PLD1: variants seen among roughly 807,000 people sequenced by gnomAD.
The protein encoded by PLD1 is choline phosphatase 1.
PLD1 carries 112 observed loss-of-function variants against 137.1 expected under a neutral mutation model. The observed-to-expected ratio is 0.82, with a 90% CI of 0.70 to 0.96. The LOEUF is 0.96. Ranked by LOEUF, PLD1 falls within the 40% of genes least tolerant of loss-of-function variation. The pLI, the probability that PLD1 is intolerant of heterozygous loss-of-function variation, is 0.00. For synonymous variants in PLD1, 431 were observed against 454.7 expected (o/e 0.95, Z 0.66); for missense variants, 1,321 against 1,342.0 (o/e 0.98, Z 0.24).
chr3:171,631,859 GA>G (rs1251733676), intron 23 of PLD1, among the ~76,000 whole-genome samples: 7 of 151,998 alleles, frequency 4.6e-5, no homozygotes, highest in African/African-American at 1.4e-4. Flanking sequence ...AATAAATATA[GA>G]AAAAAATGAT....
intron 1 of PLD1, among the ~76,000 whole-genome samples, chr3:171,740,067 G>T (rs1203545387): frequency 6.6e-6 from 1 of 152,126 alleles, no homozygotes; most frequent in East Asian, 1.9e-4. Flanking sequence ...AATTGAGGAG[G>T]TTGAGCCATT....
At chr3:171,637,409 C>T (rs9820542) in intron 23 of PLD1, among the ~76,000 whole-genome samples, 12,018 of 65,156 alleles carry the variant, frequency 0.18, 1,357 homozygotes, top group African/African-American at 0.42. Flanking sequence ...CTAATTTTTG[C>T]ATTTTTAGTA....
chr3:171,691,291 G>T (rs1473570117), intron 13 of PLD1, among the ~76,000 whole-genome samples: 1 of 152,040 alleles, frequency 6.6e-6, no homozygotes, highest in Non-Finnish European at 1.5e-5. Context: ...GATTAGAGGG[G>T]TCAATACATT....
chr3:171,635,965 C>CTTGTTTTTTT (rs1735078326), intron 23 of PLD1, among the ~76,000 whole-genome samples: 1 of 49,252 alleles, frequency 2.0e-5, no homozygotes, highest in Non-Finnish European at 4.4e-5. Flanking sequence ...GGTTCAACTT[C>CTTGTTTTTTT]TTTTTTTTTT....
At chr3:171,766,989 T>C (rs1172676919) in intron 1 of PLD1, among the ~76,000 whole-genome samples, 1 of 152,236 alleles carries the variant, frequency 6.6e-6, no homozygotes, top group African/African-American at 2.4e-5. Context: ...ATATGTCTCA[T>C]AATCTTGGTT....
chr3:171,779,557 T>C (rs574270612), intron 1 of PLD1, among the ~76,000 whole-genome samples: 1 of 152,334 alleles, frequency 6.6e-6, no homozygotes, highest in East Asian at 1.9e-4. Context: ...CGAAGAGAAG[T>C]AGGACGTTGG....
chr3:171,685,416 T>C (rs115833084), intron 16 of PLD1, among the ~76,000 whole-genome samples: 1 of 152,164 alleles, frequency 6.6e-6, no homozygotes, highest in Admixed American at 6.5e-5. Flanking sequence ...AAGCATAACA[T>C]AGTAATCTTT....
chr3:171,655,450 C>T (rs551982627), intron 21 of PLD1, among the ~76,000 whole-genome samples: 1 of 152,324 alleles, frequency 6.6e-6, no homozygotes, highest in South Asian at 2.1e-4. Context: ...CAGCCTCATA[C>T]TCTCAGGCTT....
At chr3:171,782,706 T>C (rs1326483139) in intron 1 of PLD1, among the ~76,000 whole-genome samples, 1 of 152,104 alleles carries the variant, frequency 6.6e-6, no homozygotes, top group Non-Finnish European at 1.5e-5. Flanking sequence ...GGGTAAGGAA[T>C]TGGAGACAGT....
At chr3:171,673,501 C>T (rs748864804) in intron 19 of PLD1, among the ~76,000 whole-genome samples, 14 of 152,030 alleles carry the variant, frequency 9.2e-5, no homozygotes, top group Non-Finnish European at 1.8e-4. Flanking sequence ...GAACTCCTGA[C>T]CTCAGGTGAT....
At chr3:171,749,222 G>T (rs139444299) in intron 1 of PLD1, among the ~76,000 whole-genome samples, 45 of 152,218 alleles carry the variant, frequency 3.0e-4, no homozygotes, top group African/African-American at 1.0e-3. Context: ...GGGCACACTG[G>T]AACTGAAGCT....
At chr3:171,758,223 C>G (rs1721159555) in intron 1 of PLD1, among the ~76,000 whole-genome samples, 1 of 152,174 alleles carries the variant, frequency 6.6e-6, no homozygotes, top group African/African-American at 2.4e-5. Flanking sequence ...ATTTGCATGT[C>G]ATAACTTCAG....
chr3:171,630,892 C>T (rs1023329746), intron 23 of PLD1, among the ~76,000 whole-genome samples: 7 of 148,664 alleles, frequency 4.7e-5, no homozygotes, highest in Non-Finnish European at 7.4e-5. Flanking sequence ...GAGGGATAGC[C>T]GTGGGAGATA....
At chr3:171,661,481 A>G (rs1163923141) in intron 20 of PLD1, among the ~76,000 whole-genome samples, 1 of 152,192 alleles carries the variant, frequency 6.6e-6, no homozygotes, top group Non-Finnish European at 1.5e-5. Flanking sequence ...AACTAAACTC[A>G]GTGTCCCCAG....
Position 171,738,012 on chromosome 3 carries a change from G to A in PLD1, c.40C>T (p.Leu14=), listed in dbSNP as rs1481765439. 2.5e-6 allele frequency: 4 copies of A among 1,613,716 alleles called. No individual in the cohort carries two copies. The Admixed American group carries it at 5.0e-5, about 20-fold the overall frequency. The change falls in exon 2 of 27, where the codon CTG becomes TTG. Residue 14 remains leucine, a synonymous_variant. Transcript: ENST00000351298. ...CTCATGTCAGCAGCAATTTTCTGCA[G>A]TGCAGAGGTATTTACCCGTGGCTCG... ...KNEPRVNTSA[L]QKIAADMSNI... is the part of the protein sequence containing the mutation.
intron 1 of PLD1, among the ~76,000 whole-genome samples, chr3:171,753,225 C>T (rs1275728833): frequency 3.3e-5 from 5 of 152,196 alleles, no homozygotes; most frequent in Admixed American, 6.5e-5. Context: ...TTTGTTCAAC[C>T]GCTGCTCCTA....
intron 1 of PLD1, among the ~76,000 whole-genome samples, chr3:171,755,464 T>A (rs1338628198): frequency 6.6e-6 from 1 of 152,176 alleles, no homozygotes; most frequent in East Asian, 1.9e-4. Context: ...GCTTACATGT[T>A]CTCACACTCC....
At chr3:171,637,170 T>C (rs1265217518) in intron 23 of PLD1, among the ~76,000 whole-genome samples, 1 of 152,206 alleles carries the variant, frequency 6.6e-6, no homozygotes, top group Non-Finnish European at 1.5e-5. Flanking sequence ...GGATTCAGTT[T>C]AGTAGTATTT....
At chr3:171,728,526 G>A (rs184626001) in intron 6 of PLD1, among the ~76,000 whole-genome samples, 58 of 152,230 alleles carry the variant, frequency 3.8e-4, no homozygotes, top group African/African-American at 1.3e-3. Flanking sequence ...TTTATCTCTG[G>A]AGAGCAGACA....
Sources: allele counts gnomAD v4.1 joint callset (sites outside exome capture counted in the v4.1 genomes callset), GRCh38; gene constraint gnomAD v4.1.1; transcripts MANE v1.5; gene names NCBI Gene and HGNC (gene_info 2026-07-23, HGNC 2026-07-21).